Variants in USP43 observed in about 807,000 individuals in gnomAD.
USP43 encodes ubiquitin carboxyl-terminal hydrolase 43.
USP43 carries 33 observed loss-of-function variants against 90.7 expected under a neutral mutation model. The ratio of observed to expected loss-of-function variants is 0.36; its 90% confidence interval spans 0.28 to 0.49. The LOEUF (loss-of-function observed/expected upper bound fraction) is 0.49. Among genes scored for constraint, USP43 ranks in the 20% least tolerant of loss-of-function variants. USP43 has a pLI of 0.98. For synonymous variants in USP43, 598 were observed against 615.8 expected (o/e 0.97, Z 0.43); for missense variants, 1,274 against 1,476.4 (o/e 0.86, Z 2.25).
chr17:9,685,718 G>A (rs942809486), intron 7 of USP43, among the ~76,000 whole-genome samples: 1 of 152,126 alleles, frequency 6.6e-6, no homozygotes, highest in Non-Finnish European at 1.5e-5. Flanking sequence ...TATGGGGTAC[G>A]GAGTGATATT....
chr17:9,694,692 G>T (rs542429039), intron 9 of USP43, among the ~76,000 whole-genome samples: 2 of 151,802 alleles, frequency 1.3e-5, no homozygotes, highest in African/African-American at 4.8e-5. Flanking sequence ...GCGCCATCTC[G>T]GCTCCCTGCA....
At position 9,728,502 on chromosome 17, in the gene USP43, G is replaced by A. The variant is rs1274960834; in HGVS notation, c.2884G>A (p.Gly962Arg). ...AMNWKESFQM[G>R]SKSSPPSPYM... ...GAACTGGAAGGAGAGCTTCCAGATG[G>A]GAAGCAAAAGCAGCCCACCCTCCCC... The change falls in exon 15 of 15, where the codon GGA becomes AGA. Residue 962 changes from glycine (G) to arginine (R), a missense_variant. Physicochemically the swap from Gly to Arg is moderately radical, Grantham distance 125. Transcript: ENST00000285199. The surrounding 1 kb of genome is among the most constrained non-coding windows in gnomAD (Gnocchi z 6.2). 4 of 1,613,856 alleles carry A rather than the reference G, an allele frequency of 2.5e-6. No homozygotes were observed. Among genetic ancestry groups the A allele is most frequent in the Non-Finnish European group, 3.4e-6 (4 of 1,179,832 alleles).
chr17:9,701,308 C>A lies in USP43; in HGVS notation c.1663-44C>A. Reference sequence around the variant, plus strand: ...GGCTGGCTGCCTTTGGTGGGTTGGCCACGTGCTGCGGGGGCCTCACAGTCC... The same window carrying A: ...GGCTGGCTGCCTTTGGTGGGTTGGCAACGTGCTGCGGGGGCCTCACAGTCC... On this transcript the variant is annotated intron_variant, in intron 11 of 14. Coordinates refer to ENST00000285199, the MANE Select transcript of USP43 (RefSeq NM_153210.5). This position sits in a 1 kb window ranked among gnomAD's most constrained non-coding sequence, Gnocchi z 7.2. 1 of 1,588,134 alleles carries A rather than the reference C, an allele frequency of 6.3e-7. No individual in the cohort carries two copies. Among genetic ancestry groups the A allele is most frequent in the Non-Finnish European group, 8.6e-7 (1 of 1,166,228 alleles).
intron 2 of USP43, among the ~76,000 whole-genome samples, chr17:9,656,780 T>C (rs752321139): frequency 6.6e-6 from 1 of 152,222 alleles, no homozygotes; most frequent in Non-Finnish European, 1.5e-5. Flanking sequence ...GAGTTTCATT[T>C]TGGCTCAAAA....
chr17:9,712,216 G>A (rs182500045), intron 14 of USP43, 84 bp downstream of exon 14: 36 of 1,409,792 alleles, frequency 2.6e-5, no homozygotes, highest in South Asian at 8.2e-5. Flanking sequence ...CTGTCACTTC[G>A]TAGTCTTGAA....
intron 14 of USP43, among the ~76,000 whole-genome samples, chr17:9,715,467 A>T (rs1386301497): frequency 6.6e-6 from 1 of 152,126 alleles, no homozygotes; most frequent in East Asian, 1.9e-4. Context: ...AAACAAACAA[A>T]AAAACCAGCA....
chr17:9,727,028 A>G (rs2152004740), intron 14 of USP43, among the ~76,000 whole-genome samples: 1 of 151,798 alleles, frequency 6.6e-6, no homozygotes, highest in East Asian at 1.9e-4. Context: ...GTGCAGTGGC[A>G]TGATCTCAGC....
At chr17:9,646,201 C>T (rs1911386541) in intron 1 of USP43, 65 bp downstream of exon 1, 2 of 1,366,918 alleles carry the variant, frequency 1.5e-6, no homozygotes, top group African/African-American at 1.5e-5. Context: ...AGTGTGTGCA[C>T]GATCAGGAAA....
At chr17:9,668,601 C>G (rs1050830405) in intron 3 of USP43, among the ~76,000 whole-genome samples, 1 of 152,190 alleles carries the variant, frequency 6.6e-6, no homozygotes, top group African/African-American at 2.4e-5. Context: ...CCTGAAGAAA[C>G]AGCCGGGATG....
In USP43 at chr17:9,674,910, C is replaced by T; in HGVS notation, c.760C>T (p.His254Tyr). The T allele has an allele frequency of 6.2e-7, 1 of 1,614,044 alleles. No homozygotes were observed. The highest frequency in any genetic ancestry group is 8.5e-7 in the Non-Finnish European group (1 of 1,179,894). ...AQYRSSLTCP[H>Y]CLKQSNTFDP... The stretch of plus-strand genomic sequence containing the variant: ...TCACAGATCTTCCTTGACTTGTCCC[C>T]ACTGCCTGAAACAGAGCAACACCTT... Residue 254 changes from histidine to tyrosine, a missense_variant, in exon 4 of 15, where the codon CAC becomes TAC. Physicochemically the swap from His to Tyr is moderately conservative, Grantham distance 83 (BLOSUM62 2). This residue lies in a region of USP43 where 259 missense variants were observed against 373.7 expected (regional missense o/e 0.69). Coordinates refer to ENST00000285199, the MANE Select transcript of USP43 (RefSeq NM_153210.5). This position sits in a 1 kb window ranked among gnomAD's most constrained non-coding sequence, Gnocchi z 4.4.
chr17:9,660,908 C>T (rs532863265), intron 2 of USP43, among the ~76,000 whole-genome samples: 6 of 152,210 alleles, frequency 3.9e-5, no homozygotes, highest in Non-Finnish European at 7.3e-5. Flanking sequence ...TGCGGAGGCC[C>T]GGCTGTGTAC....
intron 3 of USP43, among the ~76,000 whole-genome samples, chr17:9,669,429 G>A (rs1341702896): frequency 6.6e-6 from 1 of 152,076 alleles, no homozygotes; most frequent in Admixed American, 6.6e-5. Context: ...CTGCTAATGT[G>A]CTTGGTCCAA....
Position 9,676,797 on chromosome 17 carries a change from G to A in USP43, c.885G>A (p.Arg295=). The change falls in exon 5 of 15, where the codon CGG becomes CGA. Residue 295 remains arginine (R), a synonymous_variant. Coordinates refer to ENST00000285199, the MANE Select transcript of USP43 (RefSeq NM_153210.5). ...CCTCTAAGAGCCAGCGGTTCCTGCG[G>A]GTTGGCCTGGCCGTGCCGATCCTCA... ...VFPSKSQRFL[R]VGLAVPILST... 6.2e-7 allele frequency: 1 copy of A among 1,614,002 alleles called. No homozygotes were observed. Among genetic ancestry groups the A allele is most frequent in the Non-Finnish European group, 8.5e-7 (1 of 1,179,878 alleles).
chr17:9,671,300 G>A (rs1294056488), intron 3 of USP43, among the ~76,000 whole-genome samples: 2 of 147,740 alleles, frequency 1.4e-5, no homozygotes, highest in Non-Finnish European at 3.0e-5. Context: ...GTGTGTGTGT[G>A]CACAAATTCT....
chr17:9,649,677 T>TAAAA (rs56962060), intron 1 of USP43, among the ~76,000 whole-genome samples: 1 of 108,106 alleles, frequency 9.3e-6, no homozygotes, highest in East Asian at 2.5e-4. Flanking sequence ...TTGCACATTG[T>TAAAA]AAAAAAAAAA....
At chr17:9,651,998 G>C (rs1342464095) in intron 1 of USP43, among the ~76,000 whole-genome samples, 2 of 151,856 alleles carry the variant, frequency 1.3e-5, no homozygotes, top group African/African-American at 2.4e-5. Context: ...AAATAACTAG[G>C]AATAATTTTA....
rs781270828 is a variant in USP43 at position 9,710,045 on chromosome 17, G to A, written c.2101G>A (p.Gly701Arg). The change falls in exon 13 of 15, where the codon GGG becomes AGG. Residue 701 changes from glycine to arginine, a missense_variant. Gly to Arg is a moderately radical substitution (Grantham distance 125). Transcript: ENST00000285199. ...PLREDEVNTR[G>R]AYILFYQKRN... ...TCGAGAAGATGAGGTCAACACCAGA[G>A]GGGCTTATATCCTGTTCTATCAGAA... is the stretch of plus-strand genomic sequence containing the variant. 2 of 1,575,040 alleles carry A rather than the reference G, an allele frequency of 1.3e-6. No individual in the cohort carries two copies. The highest frequency in any genetic ancestry group is 2.4e-5 in the East Asian group (1 of 41,486).
intron 2 of USP43, among the ~76,000 whole-genome samples, chr17:9,664,059 C>T (rs1000855187): frequency 3.9e-5 from 6 of 152,198 alleles, no homozygotes; most frequent in African/African-American, 1.2e-4. Flanking sequence ...TTTGCACTTC[C>T]TGTATTCTAG....
In USP43 at chr17:9,645,697, G is replaced by T; in HGVS notation, c.65G>T (p.Arg22Leu). Residue 22 changes from arginine (R) to leucine (L), a missense_variant, in exon 1 of 15, where the codon CGC (arginine) becomes CTC (leucine). Physicochemically the swap from Arg to Leu is moderately radical, Grantham distance 102 (BLOSUM62 -2). Transcript: ENST00000285199. The surrounding 1 kb of genome is among the most constrained non-coding windows in gnomAD (Gnocchi z 6.8). ...GPLAPRPRRR[R>L]SLRRLFSRFL... ...CTCGCGCCCCGGCCCCGCCGCCGCC[G>T]CTCCCTGCGCCGCCTGTTCAGCCGC... 2 of 1,300,592 alleles carry T rather than the reference G, an allele frequency of 1.5e-6. No homozygotes were observed. The highest frequency in any genetic ancestry group is 1.9e-6 in the Non-Finnish European group (2 of 1,031,104). The allele number at this position is 1,300,592 out of a possible 1,614,324, so 80.6% of individuals were successfully genotyped here. A position where few individuals can be genotyped will look rare whatever the true frequency, so the allele number is the denominator to read the frequency against.
Sources: allele counts gnomAD v4.1 joint callset (sites outside exome capture counted in the v4.1 genomes callset), GRCh38; gene constraint gnomAD v4.1.1; regional missense constraint gnomAD v4.1.1; non-coding constraint Gnocchi (gnomAD v3.1); transcripts MANE v1.5; gene names NCBI Gene and HGNC (gene_info 2026-07-23, HGNC 2026-07-21).